The following MAP4K4 variants were observed in gnomAD, a reference collection of about 807,000 sequenced individuals.
MAP4K4 encodes HPK/GCK-like kinase HGK.
In MAP4K4, 38 loss-of-function variants were observed where a neutral mutation model predicts 189.6. The ratio of observed to expected loss-of-function variants is 0.20; its 90% confidence interval spans 0.15 to 0.26. The LOEUF is 0.26. MAP4K4 is among the 10% of genes least tolerant of loss of function. MAP4K4 has a pLI of 1.00. For synonymous variants in MAP4K4, 610 were observed against 624.3 expected, an observed-to-expected ratio of 0.98 and a Z score of 0.34; for missense variants, 1,054 against 1,726.9, an observed-to-expected ratio of 0.61 and a Z score of 6.91.
chr2:101,792,597 T>TCCTCCTC (rs2093068247), intron 3 of MAP4K4, among the ~76,000 whole-genome samples: 1 of 144,836 alleles, frequency 6.9e-6, no homozygotes, highest in African/African-American at 2.7e-5. Context: ...TTCTCCTCCT[T>TCCTCCTC]CTCCTCCTCC....
chr2:101,699,670 T>C (rs531343732), intron 2 of MAP4K4, among the ~76,000 whole-genome samples: 31 of 151,824 alleles, frequency 2.0e-4, no homozygotes, highest in African/African-American at 7.0e-4. Flanking sequence ...TATTGTCTCT[T>C]TTCTGCGTTG....
At chr2:101,875,138 A>G (rs957212316) in intron 26 of MAP4K4, among the ~76,000 whole-genome samples, 21 of 152,234 alleles carry the variant, frequency 1.4e-4, no homozygotes, top group African/African-American at 5.1e-4. Context: ...CAGCAGTTCT[A>G]TCAATAAATA....
At chr2:101,734,335 C>CTAT (rs952840455) in intron 2 of MAP4K4, among the ~76,000 whole-genome samples, 1 of 152,118 alleles carries the variant, frequency 6.6e-6, no homozygotes, top group Admixed American at 6.5e-5. Context: ...ACAGAACTTA[C>CTAT]TATTATATTT....
chr2:101,842,291 G>C (rs1471464906), intron 10 of MAP4K4, among the ~76,000 whole-genome samples: 1 of 152,068 alleles, frequency 6.6e-6, no homozygotes, highest in African/African-American at 2.4e-5. Context: ...TAGTGCCCTC[G>C]GGTTCTTTTC....
chr2:101,779,407 T>A (rs2086107892), intron 2 of MAP4K4, among the ~76,000 whole-genome samples: 1 of 152,220 alleles, frequency 6.6e-6, no homozygotes, highest in Non-Finnish European at 1.5e-5. Context: ...AAAACTGCCC[T>A]TTTGTTTACT....
chr2:101,838,886 T>C (rs1484959752), intron 9 of MAP4K4, among the ~76,000 whole-genome samples: 1 of 152,226 alleles, frequency 6.6e-6, no homozygotes, highest in African/African-American at 2.4e-5. Flanking sequence ...AAAAATTTAT[T>C]CCATACCTAT....
At chr2:101,848,992 C>G (rs1240498275) in intron 12 of MAP4K4, among the ~76,000 whole-genome samples, 1 of 152,122 alleles carries the variant, frequency 6.6e-6, no homozygotes, top group East Asian at 1.9e-4. Context: ...TCTTCCCTGC[C>G]CCTCCCCGCT....
chr2:101,786,274 G>C lies in MAP4K4; in HGVS notation c.124-4446G>C, dbSNP rs547100611. 2.0e-5 allele frequency among the ~76,000 whole-genome samples: 3 copies of C among 152,182 alleles called. No individual in the cohort carries two copies. The South Asian group carries it at 6.2e-4, about 32-fold the overall frequency. On this transcript the variant is annotated intron_variant, in intron 2 of 32. Transcript: ENST00000324219. Reference sequence around the variant, plus strand: ...CCGCATTTAAAACCATGTGGGATGGGTTTTCTAGTGTGATGGTTTTTCGAG... The same window carrying C: ...CCGCATTTAAAACCATGTGGGATGGCTTTTCTAGTGTGATGGTTTTTCGAG...
At chr2:101,776,293 G>C (rs1395031680) in intron 2 of MAP4K4, among the ~76,000 whole-genome samples, 2 of 152,112 alleles carry the variant, frequency 1.3e-5, no homozygotes, top group African/African-American at 2.4e-5. Context: ...AGGTGGAAGA[G>C]CCATTGCTGT....
intron 2 of MAP4K4, among the ~76,000 whole-genome samples, chr2:101,790,293 TAAG>T (rs1381592349): frequency 6.6e-6 from 1 of 151,914 alleles, no homozygotes; most frequent in Non-Finnish European, 1.5e-5. Flanking sequence ...TGTAGCAAGT[TAAG>T]AAGGAAAGGA....
At chr2:101,737,220 G>A (rs2060588040) in intron 2 of MAP4K4, among the ~76,000 whole-genome samples, 2 of 151,884 alleles carry the variant, frequency 1.3e-5, no homozygotes, top group African/African-American at 2.4e-5. Flanking sequence ...GTGAGTGGGT[G>A]TGTGGTTTCT....
intron 2 of MAP4K4, among the ~76,000 whole-genome samples, chr2:101,771,292 CCTT>C (rs1356973621): frequency 6.6e-6 from 1 of 152,134 alleles, no homozygotes; most frequent in Admixed American, 6.5e-5. Flanking sequence ...CAAGAGCAAA[CCTT>C]CTTGTACCTT....
intron 2 of MAP4K4, among the ~76,000 whole-genome samples, chr2:101,728,313 G>T (rs1318015657): frequency 6.6e-6 from 1 of 152,154 alleles, no homozygotes; most frequent in African/African-American, 2.4e-5. Context: ...GTAAGACTGA[G>T]AATCTGCATT....
intron 2 of MAP4K4, among the ~76,000 whole-genome samples, chr2:101,740,578 A>G (rs2062288286): frequency 6.6e-6 from 1 of 152,210 alleles, no homozygotes. Flanking sequence ...TGCTGTTTCC[A>G]GTAGAATAAA....
intron 32 of MAP4K4, 53 bp downstream of exon 32, chr2:101,888,988 T>G: frequency 2.1e-6 from 3 of 1,443,328 alleles, no homozygotes. Context: ...TAATAATGGC[T>G]TGTTTTCCAT....
intron 2 of MAP4K4, among the ~76,000 whole-genome samples, chr2:101,711,096 G>A (rs944925772): frequency 2.0e-5 from 3 of 152,140 alleles, no homozygotes; most frequent in African/African-American, 4.8e-5. Flanking sequence ...ATAATATTTG[G>A]TAAACAGCTG....
intron 2 of MAP4K4, among the ~76,000 whole-genome samples, chr2:101,702,168 T>C (rs1190393622): frequency 1.3e-5 from 2 of 152,208 alleles, no homozygotes; most frequent in Non-Finnish European, 2.9e-5. Context: ...CCCGGCCTTA[T>C]TGTTATTTTA....
At chr2:101,746,377 C>T (rs2065611744) in intron 2 of MAP4K4, among the ~76,000 whole-genome samples, 1 of 151,308 alleles carries the variant, frequency 6.6e-6, no homozygotes, top group Non-Finnish European at 1.5e-5. Context: ...GCTTAGGGCA[C>T]CTGTTACTGA....
chr2:101,833,436 C>G (rs1290514883), intron 7 of MAP4K4, among the ~76,000 whole-genome samples: 2 of 151,686 alleles, frequency 1.3e-5, no homozygotes, highest in Middle Eastern at 6.8e-3. Flanking sequence ...CTGGCTAACC[C>G]GGTGAAACCC....
Sources: gnomAD v4.1 joint callset for allele counts (sites outside exome capture counted in the v4.1 genomes callset) on GRCh38, gnomAD v4.1.1 for gene constraint, MANE v1.5 for transcripts, NCBI Gene and HGNC (gene_info 2026-07-23, HGNC 2026-07-21) for gene names.